The following TAS2R46 variants were observed in gnomAD, a reference collection of about 807,000 sequenced individuals.
TAS2R46 encodes the protein taste 2 receptor member 46.
For missense variants in TAS2R46, 361 were observed against 347.4 expected (o/e 1.04, Z -0.31); for synonymous variants, 123 against 121.8 (o/e 1.01, Z -0.07).
chr12:11,062,098 C>A lies in TAS2R46; in HGVS notation c.197G>T (p.Trp66Leu). The stretch of plus-strand genomic sequence containing the variant: ...AGCTGGATTCAACTCAGTTGCATAC[C>A]AATTTAATACTAATACCCAGAGTAA... ...VGLLWVLVLNWYATELNPAFN... is the reference protein window; with the variant it reads ...VGLLWVLVLNLYATELNPAFN... Residue 66 changes from tryptophan to leucine, a missense_variant, in exon 1 of 1, where the codon TGG (tryptophan) becomes TTG (leucine). Trp to Leu is a moderately conservative substitution (Grantham distance 61). Transcript: ENST00000533467. 6.2e-7 allele frequency: 1 copy of A among 1,613,562 alleles called. No individual in the cohort carries two copies. Among genetic ancestry groups the A allele is most frequent in the East Asian group, 2.2e-5 (1 of 44,832 alleles).
rs1943599802 is a variant in TAS2R46, at chr12:11,061,491, T to G, written c.804A>C (p.Ala268=). ...ATGGGTGGGTTGAAGGATAGCTGAA[T>G]GCAATAGCTTCGCAGAACATGAAGA... ...KPVFMFCEAI[A]FSYPSTHPFI... Residue 268 remains alanine, a synonymous_variant, in exon 1 of 1, where the codon GCA becomes GCC. Transcript: ENST00000533467. 2.5e-6 allele frequency: 4 copies of G among 1,614,032 alleles called. No individual in the cohort carries two copies. The highest frequency in any genetic ancestry group is 1.6e-4 in the Middle Eastern group (1 of 6,084).
rs772092030 is a variant in TAS2R46 at position 11,061,407 on chromosome 12, A to G, written c.888T>C (p.His296=). ...TCTCTCCTTTCACCCAGTACCTCAC[A>G]TGCCACAAAACTGAAAGAAAAGTCT... The part of the protein sequence containing the change: ...LKQTFLSVLW[H]VRYWVKGEKP... The change falls in exon 1 of 1, where the codon CAT becomes CAC. Residue 296 remains histidine (H), a synonymous_variant. Coordinates refer to ENST00000533467, the MANE Select transcript of TAS2R46 (RefSeq NM_176887.2). The G allele has an allele frequency of 6.6e-7, 1 of 1,510,180 alleles. No homozygotes were observed. The highest frequency in any genetic ancestry group is 1.5e-5 in the African/African-American group (1 of 65,362). The allele number at this position is 1,510,180 out of a possible 1,614,324, so 93.5% of individuals were successfully genotyped here.
Position 11,061,488 on chromosome 12 carries a change from G to A in TAS2R46, c.807C>T (p.Phe269=), listed in dbSNP as rs757249666. Residue 269 remains phenylalanine, a synonymous_variant, in exon 1 of 1, where the codon TTC becomes TTT. Transcript: ENST00000533467. ...TGAATGGGTGGGTTGAAGGATAGCT[G>A]AATGCAATAGCTTCGCAGAACATGA... is the stretch of plus-strand genomic sequence containing the variant. The part of the protein sequence containing the change: ...PVFMFCEAIA[F]SYPSTHPFIL... 21 of 1,614,014 alleles carry A rather than the reference G, an allele frequency of 1.3e-5. No individual in the cohort carries two copies. Among genetic ancestry groups the A allele is most frequent in the Non-Finnish European group, 1.6e-5 (19 of 1,179,978 alleles).
Position 11,062,241 on chromosome 12 carries a change from C to T in TAS2R46, c.54G>A (p.Val18=). Residue 18 remains valine, a synonymous_variant, in exon 1 of 1, where the codon GTG becomes GTA. Transcript: ENST00000533467. ...TGAAGCCATTAGCAAAATTTCCAAT[C>T]ACAAATGTAACCACTATTAGAATGG... ...IFSILIVVTF[V]IGNFANGFIA... 6.3e-7 allele frequency: 1 copy of T among 1,582,916 alleles called. No individual in the cohort carries two copies. The highest frequency in any genetic ancestry group is 8.6e-7 in the Non-Finnish European group (1 of 1,159,254).
In TAS2R46 at chr12:11,061,884, C is replaced by G. The variant is rs1338932356; in HGVS notation, c.411G>C (p.Leu137Phe). 3.1e-6 allele frequency: 5 copies of G among 1,613,860 alleles called. No homozygotes were observed. The highest frequency in any genetic ancestry group is 3.4e-6 in the Non-Finnish European group (4 of 1,179,940). The change falls in exon 1 of 1, where the codon TTG (leucine) becomes TTC (phenylalanine). Residue 137 changes from leucine (L) to phenylalanine (F), a missense_variant. Physicochemically the swap from Leu to Phe is conservative, Grantham distance 22. Transcript: ENST00000533467. The stretch of plus-strand genomic sequence containing the variant: ...CAAAAAGATGACAAACCAAAAATAG[C>G]AAAGGCCCCAATAGTATCACCAGAA... ...SVVLVILLGP[L>F]LFLVCHLFVI...
At position 11,061,599 on chromosome 12, in the gene TAS2R46, G is replaced by A. The variant is rs773665473; in HGVS notation, c.696C>T (p.Thr232=). The change falls in exon 1 of 1, where the codon ACC becomes ACT. Residue 232 remains threonine, a synonymous_variant. Transcript: ENST00000533467. ...AAATGGCACATAACAAGAGGAAGGA[G>A]GTCACAGTTTGCAAAGCTTTTATGT... ...KVHIKALQTV[T]SFLLLCAIYF... 2 of 1,614,074 alleles carry A rather than the reference G, an allele frequency of 1.2e-6. No homozygotes were observed. Among genetic ancestry groups the A allele is most frequent in the Non-Finnish European group, 1.7e-6 (2 of 1,179,964 alleles).
At position 11,061,417 on chromosome 12, in the gene TAS2R46, A is replaced by G. The variant is rs1175923241; in HGVS notation, c.878T>C (p.Val293Ala). 27 of 1,613,922 alleles carry G rather than the reference A, an allele frequency of 1.7e-5. No individual in the cohort carries two copies. The highest frequency in any genetic ancestry group is 2.2e-5 in the Non-Finnish European group (26 of 1,179,926). The change falls in exon 1 of 1, where the codon GTT (valine) becomes GCT (alanine). Residue 293 changes from valine (V) to alanine (A), a missense_variant. By Grantham distance (64) the Val-to-Ala change is moderately conservative. Coordinates refer to ENST00000533467, the MANE Select transcript of TAS2R46 (RefSeq NM_176887.2). ...NKKLKQTFLSVLWHVRYWVKG... is the reference protein window; with the variant it reads ...NKKLKQTFLSALWHVRYWVKG... The stretch of plus-strand genomic sequence containing the variant: ...CACCCAGTACCTCACATGCCACAAA[A>G]CTGAAAGAAAAGTCTGCTTTAGCTT...
rs2136182871 is a variant in TAS2R46, at chr12:11,061,960, T to C, written c.335A>G (p.Asn112Ser). ...LSIFYLLKIA[N>S]FSNLIFLHLK... is the part of the protein sequence containing the mutation. ...GTGAAGAAAAATAAGGTTGGAGAAA[T>C]TGGCAATCTTGAGCAAATAAAATAT... is the stretch of plus-strand genomic sequence containing the variant. Residue 112 changes from asparagine to serine, a missense_variant, in exon 1 of 1, where the codon AAT becomes AGT. Asn to Ser is a conservative substitution (Grantham distance 46). Coordinates refer to ENST00000533467, the MANE Select transcript of TAS2R46 (RefSeq NM_176887.2). 4 of 1,613,954 alleles carry C rather than the reference T, an allele frequency of 2.5e-6. No individual in the cohort carries two copies. Among genetic ancestry groups the C allele is most frequent in the Non-Finnish European group, 3.4e-6 (4 of 1,179,916 alleles).
In TAS2R46 at chr12:11,061,894, A is replaced by C; in HGVS notation, c.401T>G (p.Leu134Trp). ...RVKSVVLVIL[L>W]GPLLFLVCHL... ...ACAAACCAAAAATAGCAAAGGCCCC[A>C]ATAGTATCACCAGAACAACACTCTT... Residue 134 changes from leucine (L) to tryptophan (W), a missense_variant, in exon 1 of 1, where the codon TTG becomes TGG. Physicochemically the swap from Leu to Trp is moderately conservative, Grantham distance 61 (BLOSUM62 -2). Coordinates refer to ENST00000533467, the MANE Select transcript of TAS2R46 (RefSeq NM_176887.2). 6.2e-7 allele frequency: 1 copy of C among 1,614,058 alleles called. No individual in the cohort carries two copies. The highest frequency in any genetic ancestry group is 1.1e-5 in the South Asian group (1 of 91,078).
rs1565609373 is a variant in TAS2R46 at position 11,061,797 on chromosome 12, G to A, written c.498C>T (p.Ile166=). Residue 166 remains isoleucine (I), a synonymous_variant, in exon 1 of 1, where the codon ATC becomes ATT. Transcript: ENST00000533467. ...AAAGGTACATTGCACTCCTCAGTTT[G>A]ATCTTCCAAGTCATGTTTCCTTCAT... ...KEYEGNMTWK[I]KLRSAMYLSN... 3 of 1,614,156 alleles carry A rather than the reference G, an allele frequency of 1.9e-6. No homozygotes were observed. Among genetic ancestry groups the A allele is most frequent in the Non-Finnish European group, 2.5e-6 (3 of 1,179,998 alleles).
chr12:11,062,111 A>G lies in TAS2R46; in HGVS notation c.184T>C (p.Leu62=). ...TCAGTTGCATACCAATTTAATACTAATACCCAGAGTAAACCAACTCTGGAG... is the reference window on the plus strand; with the variant it reads ...TCAGTTGCATACCAATTTAATACTAGTACCCAGAGTAAACCAACTCTGGAG... The part of the protein sequence containing the change: ...AVSRVGLLWV[L]VLNWYATELN... Residue 62 remains leucine, a synonymous_variant, in exon 1 of 1, where the codon TTA becomes CTA. Coordinates refer to ENST00000533467, the MANE Select transcript of TAS2R46 (RefSeq NM_176887.2). 2 of 1,613,198 alleles carry G rather than the reference A, an allele frequency of 1.2e-6. No individual in the cohort carries two copies. The highest frequency in any genetic ancestry group is 8.5e-7 in the Non-Finnish European group (1 of 1,179,336).
rs371840032 is a variant in TAS2R46, at chr12:11,062,279, G to A, written c.16C>T (p.Pro6Ser). Residue 6 changes from proline (P) to serine (S), a missense_variant, in exon 1 of 1, where the codon CCC becomes TCC. Physicochemically the swap from Pro to Ser is moderately conservative, Grantham distance 74 (BLOSUM62 -1). Coordinates refer to ENST00000533467, the MANE Select transcript of TAS2R46 (RefSeq NM_176887.2). MITFL[P>S]IIFSILIVVT... ...ACTATTAGAATGGAAAAAATGATGG[G>A]CAGAAAAGTTATCATGTCTGAACAG... is the stretch of plus-strand genomic sequence containing the variant. The A allele has an allele frequency of 2.7e-5, 44 of 1,611,660 alleles. No homozygotes were observed. In the African/African-American group the frequency reaches 3.9e-4, roughly 14 times the overall value.
At position 11,062,092 on chromosome 12, in the gene TAS2R46, G is replaced by C. The variant is rs765928317; in HGVS notation, c.203C>G (p.Ala68Gly). ...LLWVLVLNWYATELNPAFNSI... is the reference protein window; with the variant it reads ...LLWVLVLNWYGTELNPAFNSI... Reference sequence around the variant, plus strand: ...GTTAAAAGCTGGATTCAACTCAGTTGCATACCAATTTAATACTAATACCCA... The same window carrying C: ...GTTAAAAGCTGGATTCAACTCAGTTCCATACCAATTTAATACTAATACCCA... The change falls in exon 1 of 1, where the codon GCA becomes GGA. Residue 68 changes from alanine (A) to glycine (G), a missense_variant. Coordinates refer to ENST00000533467, the MANE Select transcript of TAS2R46 (RefSeq NM_176887.2). The C allele has an allele frequency of 6.2e-7, 1 of 1,613,612 alleles. No individual in the cohort carries two copies. The highest frequency in any genetic ancestry group is 8.5e-7 in the Non-Finnish European group (1 of 1,179,790).
chr12:11,061,461 G>C lies in TAS2R46; in HGVS notation c.834C>G (p.Ile278Met), dbSNP rs139412224. ...AFSYPSTHPFILIWGNKKLKQ... is the reference protein window; with the variant it reads ...AFSYPSTHPFMLIWGNKKLKQ... ...TTAGCTTCTTGTTTCCCCAAATCAG[G>C]ATGAATGGGTGGGTTGAAGGATAGC... The change falls in exon 1 of 1, where the codon ATC (isoleucine) becomes ATG (methionine). Residue 278 changes from isoleucine (I) to methionine (M), a missense_variant. By Grantham distance (10) the Ile-to-Met change is conservative. Coordinates refer to ENST00000533467, the MANE Select transcript of TAS2R46 (RefSeq NM_176887.2). 3.7e-4 allele frequency: 602 copies of C among 1,614,144 alleles called. 7 individuals carry two copies. In the East Asian group the frequency reaches 0.013, roughly 35 times the overall value.
chr12:11,061,395 C>A lies in TAS2R46; in HGVS notation c.900G>T (p.Trp300Cys). The A allele has an allele frequency of 6.4e-7, 1 of 1,570,634 alleles. No individual in the cohort carries two copies. Among genetic ancestry groups the A allele is most frequent in the Non-Finnish European group, 8.7e-7 (1 of 1,154,258 alleles). The stretch of plus-strand genomic sequence containing the variant: ...AAGATGAAGGCTTCTCTCCTTTCAC[C>A]CAGTACCTCACATGCCACAAAACTG... ...FLSVLWHVRY[W>C]VKGEKPSSS The change falls in exon 1 of 1, where the codon TGG (tryptophan) becomes TGT (cysteine). Residue 300 changes from tryptophan to cysteine, a missense_variant. Transcript: ENST00000533467.
chr12:11,061,547 A>G lies in TAS2R46; in HGVS notation c.748T>C (p.Trp250Arg). 1.9e-6 allele frequency: 3 copies of G among 1,614,120 alleles called. No individual in the cohort carries two copies. The highest frequency in any genetic ancestry group is 1.6e-4 in the Middle Eastern group (1 of 6,062). ...IYFLSIIMSV[W>R]SFESLENKPV... ...TTGTTTTCCAGACTCTCAAAACTCC[A>G]AACTGACATGATTATGGACAGAAAG... Residue 250 changes from tryptophan (W) to arginine (R), a missense_variant, in exon 1 of 1, where the codon TGG becomes CGG. Physicochemically the swap from Trp to Arg is moderately radical, Grantham distance 101 (BLOSUM62 -3). Coordinates refer to ENST00000533467, the MANE Select transcript of TAS2R46 (RefSeq NM_176887.2).
At position 11,062,063 on chromosome 12, in the gene TAS2R46, T is replaced by C. The variant is rs747300875; in HGVS notation, c.232A>G (p.Ile78Val). Residue 78 changes from isoleucine to valine, a missense_variant, in exon 1 of 1, where the codon ATA (isoleucine) becomes GTA (valine). Transcript: ENST00000533467. ...TTGTAAGCAGTAATTCTTACTTCTA[T>C]ACTGTTAAAAGCTGGATTCAACTCA... Reference protein sequence around the residue: ...ATELNPAFNSIEVRITAYNVW... With the variant: ...ATELNPAFNSVEVRITAYNVW... 8 of 1,613,604 alleles carry C rather than the reference T, an allele frequency of 5.0e-6. No individual in the cohort carries two copies. The highest frequency in any genetic ancestry group is 3.3e-5 in the South Asian group (3 of 91,064).
the TAS2R46 span, chr12:11,062,094 A>T: frequency 4.9e-5 from 79 of 1,613,592 alleles, no homozygotes; most frequent in Middle Eastern, 6.6e-4. Flanking sequence ...ACTCAGTTGC[A>T]TACCAATTTA....
chr12:11,061,598 A>C lies in TAS2R46; in HGVS notation c.697T>G (p.Ser233Ala). ...TAAATGGCACATAACAAGAGGAAGG[A>C]GGTCACAGTTTGCAAAGCTTTTATG... ...VHIKALQTVT[S>A]FLLLCAIYFL... Residue 233 changes from serine (S) to alanine (A), a missense_variant, in exon 1 of 1, where the codon TCC (serine) becomes GCC (alanine). By Grantham distance (99) the Ser-to-Ala change is moderately conservative. Transcript: ENST00000533467. 1.2e-6 allele frequency: 2 copies of C among 1,614,106 alleles called. No homozygotes were observed. Among genetic ancestry groups the C allele is most frequent in the Non-Finnish European group, 1.7e-6 (2 of 1,179,966 alleles).
Sources: gnomAD v4.1 joint callset for allele counts on GRCh38, gnomAD v4.1.1 for gene constraint, MANE v1.5 for transcripts, NCBI Gene and HGNC (gene_info 2026-07-23, HGNC 2026-07-21) for gene names.